Variants in DLG2 observed in about 807,000 individuals in gnomAD.
The protein encoded by DLG2 is disks large homolog 2.
A neutral mutation model predicts 132.5 loss-of-function variants in DLG2; 45 were observed. The observed-to-expected ratio is 0.34, with a 90% CI of 0.27 to 0.44. The LOEUF (loss-of-function observed/expected upper bound fraction) is 0.44, where lower values mean the gene tolerates loss of function less well. Among genes scored for constraint, DLG2 ranks in the 20% least tolerant of loss-of-function variants. DLG2 has a pLI of 1.00. For missense variants in DLG2, 1,045 were observed against 1,196.9 expected (o/e 0.87, Z 1.87); for synonymous variants, 424 against 419.6 (o/e 1.01, Z -0.13).
intron 12 of DLG2, among the ~76,000 whole-genome samples, chr11:83,979,134 C>T (rs892130728): frequency 6.6e-6 from 1 of 152,102 alleles, no homozygotes. Flanking sequence ...TCTTATCTAA[C>T]ACAAAGCTTA....
intron 6 of DLG2, among the ~76,000 whole-genome samples, chr11:84,693,442 G>A (rs1243702070): frequency 6.6e-6 from 1 of 151,680 alleles, no homozygotes; most frequent in Non-Finnish European, 1.5e-5. Context: ...CTAAACCAAG[G>A]CCTAAGAGAG....
intron 15 of DLG2, among the ~76,000 whole-genome samples, chr11:83,897,708 T>C (rs2072183609): frequency 6.6e-6 from 1 of 152,064 alleles, no homozygotes; most frequent in South Asian, 2.1e-4. Flanking sequence ...GACCCAAAGA[T>C]AAAGGAGTGA....
intron 6 of DLG2, among the ~76,000 whole-genome samples, chr11:84,831,346 A>C (rs995110757): frequency 4.6e-5 from 7 of 151,518 alleles, no homozygotes; most frequent in Admixed American, 4.6e-4. Context: ...CCCTCCTCCA[A>C]TGTGAACAGT....
chr11:84,905,288 G>C (rs1023740637), intron 6 of DLG2, among the ~76,000 whole-genome samples: 1 of 151,936 alleles, frequency 6.6e-6, no homozygotes, highest in East Asian at 1.9e-4. Context: ...TACTTCTTTA[G>C]TCTCTCCTCC....
chr11:83,787,323 GT>G (rs1369444931), intron 17 of DLG2, among the ~76,000 whole-genome samples: 18 of 118,212 alleles, frequency 1.5e-4, no homozygotes, highest in East Asian at 4.9e-4. Context: ...TTTTTTTTTT[GT>G]TTTTTTTTTT....
chr11:85,306,854 G>C (rs926230819), intron 3 of DLG2, among the ~76,000 whole-genome samples: 2 of 152,124 alleles, frequency 1.3e-5, no homozygotes, highest in Admixed American at 6.5e-5. Flanking sequence ...TTATAGGCGT[G>C]AGCCACCACG....
intron 6 of DLG2, among the ~76,000 whole-genome samples, chr11:84,576,593 A>G (rs1487463608): frequency 6.6e-6 from 1 of 152,214 alleles, no homozygotes; most frequent in Non-Finnish European, 1.5e-5. Flanking sequence ...TCCTGTTAAC[A>G]CCAAAAGACA....
chr11:85,294,991 G>A (rs1395779669), intron 3 of DLG2, among the ~76,000 whole-genome samples: 1 of 152,148 alleles, frequency 6.6e-6, no homozygotes, highest in East Asian at 1.9e-4. Context: ...GAATAAATGT[G>A]CTACTTCAAG....
intron 6 of DLG2, among the ~76,000 whole-genome samples, chr11:85,106,776 T>C (rs569175022): frequency 7.9e-5 from 12 of 152,116 alleles, no homozygotes; most frequent in Admixed American, 3.3e-4. Flanking sequence ...TCTTTCCACT[T>C]ACTAGTGGAA....
At chr11:84,900,769 T>G (rs557601524) in intron 6 of DLG2, among the ~76,000 whole-genome samples, 1 of 152,150 alleles carries the variant, frequency 6.6e-6, no homozygotes, top group African/African-American at 2.4e-5. Flanking sequence ...AATGAAAATA[T>G]ATTTCTTGGG....
chr11:84,782,465 C>T (rs1430859651), intron 6 of DLG2, among the ~76,000 whole-genome samples: 2 of 145,848 alleles, frequency 1.4e-5, no homozygotes, highest in Non-Finnish European at 3.0e-5. Flanking sequence ...CACACACACA[C>T]ATTAAAATGA....
At chr11:83,913,027 C>T (rs1439764573) in intron 15 of DLG2, among the ~76,000 whole-genome samples, 1 of 152,084 alleles carries the variant, frequency 6.6e-6, no homozygotes, top group Non-Finnish European at 1.5e-5. Flanking sequence ...AGTCACCTGA[C>T]CCCATTAGTT....
chr11:85,243,692 T>C (rs1171816435), intron 4 of DLG2, among the ~76,000 whole-genome samples: 1 of 151,848 alleles, frequency 6.6e-6, no homozygotes, highest in Non-Finnish European at 1.5e-5. Flanking sequence ...AAAGAGCATA[T>C]TAAAGGAAAT....
intron 16 of DLG2, among the ~76,000 whole-genome samples, chr11:83,834,730 A>C (rs1168663116): frequency 1.3e-5 from 2 of 152,238 alleles, no homozygotes; most frequent in African/African-American, 4.8e-5. Flanking sequence ...TCTTGAGCCA[A>C]TAGTTCACTG....
intron 6 of DLG2, among the ~76,000 whole-genome samples, chr11:85,036,640 G>A (rs1453984296): frequency 6.6e-6 from 1 of 152,106 alleles, no homozygotes; most frequent in Non-Finnish European, 1.5e-5. Context: ...ATATTACCAT[G>A]CATTTATTAT....
intron 19 of DLG2, among the ~76,000 whole-genome samples, chr11:83,546,304 T>C (rs2141797936): frequency 6.6e-6 from 1 of 152,264 alleles, no homozygotes; most frequent in South Asian, 2.1e-4. Context: ...AGCATATGGG[T>C]TATATGCCAG....
At chr11:85,274,047 T>C (rs557057002) in intron 4 of DLG2, among the ~76,000 whole-genome samples, 4 of 152,122 alleles carry the variant, frequency 2.6e-5, no homozygotes, top group South Asian at 2.1e-4. Context: ...TAGGTGGGAA[T>C]TGAACCACGA....
At chr11:85,622,240 T>A in intron 2 of DLG2, among the ~76,000 whole-genome samples, 1 of 152,206 alleles carries the variant, frequency 6.6e-6, no homozygotes. Context: ...CTGTACTGTA[T>A]ACAACAAATA....
chr11:83,520,639 G>GATAGATAGATAGATAGA (rs2095443498), intron 21 of DLG2, among the ~76,000 whole-genome samples: 28 of 148,068 alleles, frequency 1.9e-4, no homozygotes, highest in African/African-American at 6.2e-4. Flanking sequence ...AGGTAGGTAG[G>GATAGATAGATAGATAGA]TAGATAGATA....
Sources: allele counts gnomAD v4.1 joint callset (sites outside exome capture counted in the v4.1 genomes callset), GRCh38; gene constraint gnomAD v4.1.1; transcripts MANE v1.5; gene names NCBI Gene and HGNC (gene_info 2026-07-23, HGNC 2026-07-21).